GNA13: variants seen among roughly 807,000 people sequenced by gnomAD.
GNA13 encodes guanine nucleotide-binding protein subunit alpha-13.
In GNA13, 4 loss-of-function variants were observed where a neutral mutation model predicts 33.5. The ratio of observed to expected loss-of-function variants is 0.12; its 90% CI spans 0.06 to 0.27. The LOEUF (loss-of-function observed/expected upper bound fraction) is 0.27, where lower values mean the gene tolerates loss of function less well. GNA13 is among the 10% of genes least tolerant of loss of function. GNA13 has a pLI of 1.00. For synonymous variants in GNA13, 176 were observed against 183.8 expected, an observed-to-expected ratio of 0.96 and a Z score of 0.34; for missense variants, 319 against 487.2, an observed-to-expected ratio of 0.65 and a Z score of 3.25.
At chr17:65,017,685 G>A (rs1403250417) in intron 3 of GNA13, among the ~76,000 whole-genome samples, 2 of 152,130 alleles carry the variant, frequency 1.3e-5, no homozygotes, top group African/African-American at 4.8e-5. Context: ...CCCCTACCTC[G>A]TGGAGTCTCT....
intron 2 of GNA13, among the ~76,000 whole-genome samples, chr17:65,026,007 G>C (rs931859720): frequency 6.6e-6 from 1 of 151,682 alleles, no homozygotes; most frequent in Non-Finnish European, 1.5e-5. Flanking sequence ...GATGAAAACA[G>C]CAGATAAGAC....
intron 2 of GNA13, among the ~76,000 whole-genome samples, chr17:65,023,325 C>T (rs1316513285): frequency 6.6e-6 from 1 of 152,188 alleles, no homozygotes; most frequent in African/African-American, 2.4e-5. Context: ...CTCCTGTGAA[C>T]CTGACCATCA....
intron 2 of GNA13, among the ~76,000 whole-genome samples, chr17:65,045,081 C>G (rs1598497575): frequency 6.6e-6 from 1 of 151,418 alleles, no homozygotes; most frequent in East Asian, 1.9e-4. Context: ...AAAAAGTGTT[C>G]TGGTGTCCCC....
intron 2 of GNA13, among the ~76,000 whole-genome samples, chr17:65,032,476 G>C (rs1907084978): frequency 6.6e-6 from 1 of 152,088 alleles, no homozygotes; most frequent in African/African-American, 2.4e-5. Flanking sequence ...TGATTTTAAA[G>C]TTAAAAAATC....
Position 65,047,359 on chromosome 17 carries a change from A to T in GNA13, c.510+6143T>A, listed in dbSNP as rs568066680. On this transcript the variant is annotated intron_variant, in intron 2 of 3. Transcript: ENST00000439174. Reference sequence around the variant, plus strand: ...AACTATGATCACACCACTGCACTCCAGCCTGTGTAACAGAGTGAGACTCTG... The same window carrying T: ...AACTATGATCACACCACTGCACTCCTGCCTGTGTAACAGAGTGAGACTCTG... Among the ~76,000 whole-genome samples, 273 of 152,310 alleles carry T rather than the reference A, an allele frequency of 1.8e-3. 2 individuals carry two copies. The highest frequency in any genetic ancestry group is 6.2e-3 in the African/African-American group (259 of 41,576).
At position 65,034,946 on chromosome 17, in the gene GNA13, T is replaced by C. The variant is rs543583853; in HGVS notation, c.511-16643A>G. On this transcript the variant is annotated intron_variant, in intron 2 of 3. Transcript: ENST00000439174. ...GATTACAGGCATGTAACACCACGCC[T>C]GGCTAATTTTGTATTTTTAGTAGAG... 5.3e-5 allele frequency among the ~76,000 whole-genome samples: 8 copies of C among 152,250 alleles called. 1 individual carries two copies. The South Asian group carries it at 1.7e-3, about 32-fold the overall frequency.
At chr17:65,037,200 G>A (rs1428038547) in intron 2 of GNA13, among the ~76,000 whole-genome samples, 1 of 152,180 alleles carries the variant, frequency 6.6e-6, no homozygotes, top group African/African-American at 2.4e-5. Context: ...TTCTGAGACT[G>A]AAATTCAAAT....
In GNA13 at chr17:65,028,013, C is replaced by T. The variant is rs954557807; in HGVS notation, c.511-9710G>A. On this transcript the variant is annotated intron_variant, in intron 2 of 3. Coordinates refer to ENST00000439174, the MANE Select transcript of GNA13 (RefSeq NM_006572.6). ...CAGTACTCTGGGAGGCCGAGGTGGG[C>T]GGATCACGAGGTCAGGAGATCGAGC... Among the ~76,000 whole-genome samples, 5 of 152,184 alleles carry T rather than the reference C, an allele frequency of 3.3e-5. No homozygotes were observed. In the South Asian group the frequency reaches 6.2e-4, roughly 19 times the overall value.
intron 2 of GNA13, among the ~76,000 whole-genome samples, chr17:65,052,687 C>G (rs1345262440): frequency 6.6e-6 from 1 of 152,114 alleles, no homozygotes; most frequent in Non-Finnish European, 1.5e-5. Flanking sequence ...ACTTTTATTC[C>G]AAACCTGTCT....
chr17:65,038,178 A>G (rs1404392226), intron 2 of GNA13, among the ~76,000 whole-genome samples: 3 of 152,124 alleles, frequency 2.0e-5, no homozygotes, highest in Non-Finnish European at 4.4e-5. Flanking sequence ...GCCGAGGCAG[A>G]CAGATCACAA....
rs564624741 is a variant in GNA13 at position 65,044,776 on chromosome 17, C to G, written c.510+8726G>C. Among the ~76,000 whole-genome samples the G allele has an allele frequency of 5.9e-5, 9 of 152,208 alleles. No homozygotes were observed. The South Asian group carries it at 1.9e-3, about 32-fold the overall frequency. On this transcript the variant is annotated intron_variant, in intron 2 of 3. Coordinates refer to ENST00000439174, the MANE Select transcript of GNA13 (RefSeq NM_006572.6). ...CATAAAAAGTTAACAATAGGCCGGG[C>G]TCACGCCTGTAATCCCAACATTTTG...
chr17:65,039,467 C>G (rs936843225), intron 2 of GNA13, among the ~76,000 whole-genome samples: 2 of 152,256 alleles, frequency 1.3e-5, no homozygotes, highest in Non-Finnish European at 2.9e-5. Context: ...CAGTCACAGG[C>G]TGCTGCCTGC....
rs1186531132 is a variant in GNA13, at chr17:65,014,075, A to C, written c.*182T>G. On this transcript the variant is annotated 3_prime_UTR_variant, in exon 4 of 4. Transcript: ENST00000439174. The surrounding 1 kb of genome is among the most constrained non-coding windows in gnomAD (Gnocchi z 5.3). ...TGCATTACAGCAAATCTTGGCGATG[A>C]GTCACTCAACAGCTTTCAGCCACAA... 2 of 563,974 alleles carry C rather than the reference A, an allele frequency of 3.5e-6. No homozygotes were observed. The highest frequency in any genetic ancestry group is 3.7e-5 in the African/African-American group (2 of 53,462). The allele number at this position is 563,974 out of a possible 1,614,324, so 34.9% of individuals were successfully genotyped here.
intron 1 of GNA13, 31 bp downstream of exon 1, chr17:65,056,280 T>TA: frequency 1.4e-6 from 2 of 1,397,010 alleles, no homozygotes; most frequent in Admixed American, 1.9e-5. Flanking sequence ...CCCCTGCCCT[T>TA]AACCCCCGGC....
intron 2 of GNA13, among the ~76,000 whole-genome samples, chr17:65,023,762 A>C (rs1215075881): frequency 6.6e-6 from 1 of 152,266 alleles, no homozygotes; most frequent in African/African-American, 2.4e-5. Flanking sequence ...CAGTTCCAAC[A>C]GCATCTTTCA....
intron 2 of GNA13, among the ~76,000 whole-genome samples, chr17:65,031,919 AGAGTGT>A (rs1387888143): frequency 9.6e-4 from 121 of 125,560 alleles, no homozygotes; most frequent in African/African-American, 3.7e-3. Context: ...AGAGAGAGAG[AGAGTGT>A]GTGTGTGTGT....
chr17:65,031,143 C>T (rs1226146051), intron 2 of GNA13, among the ~76,000 whole-genome samples: 1 of 152,176 alleles, frequency 6.6e-6, no homozygotes, highest in East Asian at 1.9e-4. Flanking sequence ...CTACATACCT[C>T]GGCTATATGG....
intron 2 of GNA13, among the ~76,000 whole-genome samples, chr17:65,031,976 T>C (rs1418361821): frequency 2.0e-5 from 3 of 150,744 alleles, no homozygotes; most frequent in Non-Finnish European, 4.4e-5. Flanking sequence ...GACCTAGATA[T>C]AGGCTTTTAT....
At chr17:65,030,985 TTAAG>T (rs1164702884) in intron 2 of GNA13, among the ~76,000 whole-genome samples, 5 of 152,178 alleles carry the variant, frequency 3.3e-5, no homozygotes, top group African/African-American at 7.2e-5. Context: ...ACCAAGATAA[TTAAG>T]TAGAGTTTCT....
Sources: allele counts gnomAD v4.1 joint callset (sites outside exome capture counted in the v4.1 genomes callset), GRCh38; gene constraint gnomAD v4.1.1; non-coding constraint Gnocchi (gnomAD v3.1); transcripts MANE v1.5; gene names NCBI Gene and HGNC (gene_info 2026-07-23, HGNC 2026-07-21).